Variants in ASH1L observed in about 807,000 individuals in gnomAD.
ASH1L encodes ASH1 like histone lysine methyltransferase.
In ASH1L, 23 loss-of-function variants were observed where a neutral mutation model predicts 269.0. That is an observed-to-expected ratio of 0.09 (90% CI 0.06 to 0.12). ASH1L has a LOEUF of 0.12. ASH1L is among the 10% of genes least tolerant of loss of function. ASH1L has a pLI of 1.00. For missense variants in ASH1L, 2,912 were observed against 3,567.8 expected, an observed-to-expected ratio of 0.82 and a Z score of 4.68; for synonymous variants, 1,187 against 1,253.5, an observed-to-expected ratio of 0.95 and a Z score of 1.12.
chr1:155,535,836 T>C (rs942368187), intron 1 of ASH1L, among the ~76,000 whole-genome samples: 8 of 151,698 alleles, frequency 5.3e-5, no homozygotes, highest in African/African-American at 1.9e-4. Flanking sequence ...CTGTCTCTAA[T>C]AAAAATACAA....
chr1:155,532,093 A>G (rs1391565783), intron 1 of ASH1L, among the ~76,000 whole-genome samples: 1 of 152,202 alleles, frequency 6.6e-6, no homozygotes, highest in Non-Finnish European at 1.5e-5. Context: ...AAAAACACAG[A>G]CCTAAGATTG....
chr1:155,422,436 C>T (rs576916238), intron 5 of ASH1L, among the ~76,000 whole-genome samples: 111 of 150,334 alleles, frequency 7.4e-4, no homozygotes, highest in South Asian at 2.5e-3. Flanking sequence ...TTAGTAGAAG[C>T]GGGGTTTCAC....
At chr1:155,495,322 C>T (rs547217719) in intron 2 of ASH1L, among the ~76,000 whole-genome samples, 2 of 152,112 alleles carry the variant, frequency 1.3e-5, no homozygotes, top group South Asian at 4.2e-4. Flanking sequence ...TGTAATTACA[C>T]AAATCTAGAT....
chr1:155,488,179 C>T (rs553121786), intron 2 of ASH1L, among the ~76,000 whole-genome samples: 33 of 152,148 alleles, frequency 2.2e-4, no homozygotes, highest in African/African-American at 7.9e-4. Flanking sequence ...GCCATTGTGC[C>T]TGGCCTGGTT....
intron 4 of ASH1L, among the ~76,000 whole-genome samples, 169 bp downstream of exon 4, chr1:155,459,628 T>TTCTTGGTATTTTGA (rs1335086718): frequency 6.6e-6 from 1 of 152,258 alleles, no homozygotes; most frequent in Non-Finnish European, 1.5e-5. Flanking sequence ...TCAATGTACA[T>TTCTTGGTATTTTGA]TACTGATTCT....
intron 2 of ASH1L, among the ~76,000 whole-genome samples, chr1:155,516,476 T>A (rs532446095): frequency 1.3e-5 from 2 of 152,258 alleles, no homozygotes; most frequent in African/African-American, 4.8e-5. Context: ...TTCAGCAAAG[T>A]TGCAGGATAC....
chr1:155,488,668 CAAAAAAAA>C (rs371829476), intron 2 of ASH1L, among the ~76,000 whole-genome samples: 53 of 29,186 alleles, frequency 1.8e-3, no homozygotes, highest in East Asian at 6.3e-3. Flanking sequence ...GACTCTGTCA[CAAAAAAAA>C]AAAAAAAAAA....
chr1:155,446,846 G>A (rs1239434336), intron 4 of ASH1L, among the ~76,000 whole-genome samples: 2 of 149,754 alleles, frequency 1.3e-5, no homozygotes, highest in South Asian at 2.1e-4. Context: ...CTCGTGATCC[G>A]CCCGCTTCGG....
At chr1:155,563,046 G>A, upstream of ASH1L, 1 of 458,820 alleles carries the variant, frequency 2.2e-6, no homozygotes, top group Non-Finnish European at 4.4e-6. Flanking sequence ...TTGCCAGAAT[G>A]GCGGACCGAG....
intron 5 of ASH1L, among the ~76,000 whole-genome samples, chr1:155,437,894 G>A (rs1010281766): frequency 1.7e-4 from 26 of 152,088 alleles, no homozygotes; most frequent in Admixed American, 3.3e-4. Flanking sequence ...TCGCTCTGTC[G>A]CCCAGGTTGG....
At position 155,480,052 on chromosome 1, in the gene ASH1L, C is replaced by T; in HGVS notation, c.2818G>A (p.Asp940Asn). 6.2e-7 allele frequency: 1 copy of T among 1,614,034 alleles called. No homozygotes were observed. The highest frequency in any genetic ancestry group is 8.5e-7 in the Non-Finnish European group (1 of 1,180,008). ...RSSSDFFESE[D>N]QLQDPDDLDD... Reference sequence around the variant, plus strand: ...AGGTCATCTGGATCCTGAAGTTGATCCTCGCTCTCAAAGAAATCACTGCTA... The same window carrying T: ...AGGTCATCTGGATCCTGAAGTTGATTCTCGCTCTCAAAGAAATCACTGCTA... The change falls in exon 3 of 28, where the codon GAT (aspartate) becomes AAT (asparagine). Residue 940 changes from aspartate (D) to asparagine (N), a missense_variant. Transcript: ENST00000392403.
chr1:155,350,801 G>A (rs974946203), intron 17 of ASH1L, among the ~76,000 whole-genome samples: 1 of 151,716 alleles, frequency 6.6e-6, no homozygotes, highest in Admixed American at 6.6e-5. Context: ...TGCACCTGTA[G>A]TCCCAGCTAC....
At chr1:155,549,892 T>C (rs1571136940) in intron 1 of ASH1L, among the ~76,000 whole-genome samples, 1 of 152,158 alleles carries the variant, frequency 6.6e-6, no homozygotes, top group East Asian at 1.9e-4. Context: ...CATCCTTGAC[T>C]CCTCTTTTAC....
intron 4 of ASH1L, among the ~76,000 whole-genome samples, chr1:155,444,935 T>C (rs1468714825): frequency 2.0e-5 from 3 of 151,972 alleles, no homozygotes; most frequent in East Asian, 3.9e-4. Context: ...TTTTTTTAAA[T>C]GGTCCTTGCT....
intron 1 of ASH1L, among the ~76,000 whole-genome samples, chr1:155,559,032 C>T (rs943724411): frequency 2.0e-5 from 3 of 148,148 alleles, no homozygotes; most frequent in Non-Finnish European, 4.5e-5. Context: ...TTAGTAGAGA[C>T]GGGGTTTTGC....
At position 155,480,879 on chromosome 1, in the gene ASH1L, G is replaced by A; in HGVS notation, c.1991C>T (p.Thr664Ile). The change falls in exon 3 of 28, where the codon ACT (threonine) becomes ATT (isoleucine). Residue 664 changes from threonine to isoleucine, a missense_variant. Physicochemically the swap from Thr to Ile is moderately conservative, Grantham distance 89. Transcript: ENST00000392403. ...PSLTSESSIH[T>I]ITPSVVNFTS... ...GAAGTTAACAACTGAAGGAGTAATA[G>A]TATGAATGCTGGATTCAGAAGTCAA... 1.2e-6 allele frequency: 2 copies of A among 1,613,980 alleles called. No individual in the cohort carries two copies. The highest frequency in any genetic ancestry group is 1.7e-6 in the Non-Finnish European group (2 of 1,179,962).
rs371788736 is a variant in ASH1L at position 155,481,094 on chromosome 1, G to C, written c.1776C>G (p.Ile592Met). 1.9e-6 allele frequency: 3 copies of C among 1,614,004 alleles called. No homozygotes were observed. Among genetic ancestry groups the C allele is most frequent in the Non-Finnish European group, 2.5e-6 (3 of 1,179,948 alleles). The change falls in exon 3 of 28, where the codon ATC (isoleucine) becomes ATG (methionine). Residue 592 changes from isoleucine to methionine, a missense_variant. Physicochemically the swap from Ile to Met is conservative, Grantham distance 10 (BLOSUM62 1). Coordinates refer to ENST00000392403, the MANE Select transcript of ASH1L (RefSeq NM_018489.3). ...TTCCAACAGATTCAGAAATTTCTTC[G>C]ATTAGTTCTGTAGTAGAACTTAAAA... is the stretch of plus-strand genomic sequence containing the variant. ...PLLLSSTTELIEEISESVGKN... is the reference protein window; with the variant it reads ...PLLLSSTTELMEEISESVGKN...
intron 2 of ASH1L, among the ~76,000 whole-genome samples, chr1:155,517,032 G>C (rs1668541526): frequency 6.6e-6 from 1 of 152,146 alleles, no homozygotes; most frequent in Admixed American, 6.5e-5. Context: ...TACCTAAAGT[G>C]ATCTGTAGAT....
chr1:155,495,949 G>A (rs1304588277), intron 2 of ASH1L, among the ~76,000 whole-genome samples: 1 of 152,124 alleles, frequency 6.6e-6, no homozygotes, highest in Non-Finnish European at 1.5e-5. Flanking sequence ...AGTGAGCCGA[G>A]ATCGTGCTAT....
Sources: allele counts gnomAD v4.1 joint callset (sites outside exome capture counted in the v4.1 genomes callset), GRCh38; gene constraint gnomAD v4.1.1; transcripts MANE v1.5; gene names NCBI Gene and HGNC (gene_info 2026-07-23, HGNC 2026-07-21).